Variants in LRTM3 observed in about 807,000 individuals in gnomAD.
The protein encoded by LRTM3 is leucine-rich repeat transmembrane protein 3.
chr13:102,738,641 T>G, the LRTM3 span: 3 of 1,550,416 alleles, frequency 1.9e-6, no homozygotes, highest in Non-Finnish European at 2.6e-6. Flanking sequence ...AGAAATACAC[T>G]TTTCATATGC....
the LRTM3 span, among the ~76,000 whole-genome samples, chr13:102,752,885 A>G: frequency 3.7e-3 from 564 of 152,332 alleles, 7 homozygotes; most frequent in African/African-American, 0.013. Context: ...TAGTTAACTT[A>G]TTTATAACTG....
the LRTM3 span, chr13:102,733,076 GT>G: frequency 1.3e-6 from 2 of 1,551,390 alleles, no homozygotes; most frequent in Non-Finnish European, 1.7e-6. Flanking sequence ...GTGCGCTGTT[GT>G]TTTCTTGTCC....
chr13:102,729,658 C>A, the LRTM3 span: 36 of 1,550,148 alleles, frequency 2.3e-5, no homozygotes, highest in Non-Finnish European at 3.1e-5. Flanking sequence ...AAAAAAAGGG[C>A]CGGTTTTGTT....
chr13:102,753,315 C>T, the LRTM3 span, among the ~76,000 whole-genome samples: 2 of 151,978 alleles, frequency 1.3e-5, no homozygotes, highest in African/African-American at 4.8e-5. Flanking sequence ...ACACTGGGTC[C>T]TGTCAGGGAG....
At chr13:102,747,977 C>T in the LRTM3 span, 6 of 1,551,126 alleles carry the variant, frequency 3.9e-6, no homozygotes, top group African/African-American at 1.4e-5. Flanking sequence ...CTTTCTATCA[C>T]ATTGTTGTGG....
the LRTM3 span, chr13:102,746,990 A>C: frequency 3.2e-6 from 5 of 1,551,174 alleles, no homozygotes; most frequent in South Asian, 5.9e-5. Context: ...TGGTTGATGC[A>C]TTTCTTTCTC....
At chr13:102,747,942 C>G in the LRTM3 span, 1 of 1,551,226 alleles carries the variant, frequency 6.4e-7, no homozygotes, top group South Asian at 1.2e-5. Context: ...TGTGTCAGCT[C>G]TGAATTTGCC....
chr13:102,737,276 G>T, the LRTM3 span: 2 of 1,550,932 alleles, frequency 1.3e-6, no homozygotes, highest in Middle Eastern at 3.3e-4. Flanking sequence ...TATTTTCCCT[G>T]CATCAAATGA....
At chr13:102,737,541 G>A in the LRTM3 span, 1 of 1,550,448 alleles carries the variant, frequency 6.4e-7, no homozygotes, top group South Asian at 1.2e-5. Context: ...TCTTTCCCTT[G>A]CTCCTGGCCT....
chr13:102,742,947 C>A, the LRTM3 span: 2 of 1,546,222 alleles, frequency 1.3e-6, no homozygotes, highest in Non-Finnish European at 1.7e-6. Context: ...GCGAGCCCAA[C>A]TTTGAGACTT....
At chr13:102,744,243 T>A in the LRTM3 span, 1 of 1,550,408 alleles carries the variant, frequency 6.4e-7, no homozygotes, top group Non-Finnish European at 8.7e-7. Context: ...TTGGGACTCA[T>A]ACTTTTCTTG....
At chr13:102,752,805 G>A in the LRTM3 span, among the ~76,000 whole-genome samples, 2 of 152,082 alleles carry the variant, frequency 1.3e-5, no homozygotes, top group Non-Finnish European at 1.5e-5. Flanking sequence ...AGTTAAATGA[G>A]GTCATATGGG....
the LRTM3 span, chr13:102,740,050 A>G: frequency 8.4e-6 from 13 of 1,550,308 alleles, no homozygotes; most frequent in Middle Eastern, 1.7e-4. Context: ...TTTCTTGCAA[A>G]ATAGGCATGG....
At chr13:102,743,935 T>C in the LRTM3 span, 4 of 1,550,610 alleles carry the variant, frequency 2.6e-6, no homozygotes, top group Non-Finnish European at 2.6e-6. Context: ...CATTTTCTTG[T>C]ACCTCTTCCT....
chr13:102,740,088 G>A, the LRTM3 span: 2 of 1,549,400 alleles, frequency 1.3e-6, no homozygotes, highest in East Asian at 4.9e-5. Context: ...AATGTTATAG[G>A]CAGACATACT....
chr13:102,731,046 T>C, the LRTM3 span: 1 of 1,551,470 alleles, frequency 6.4e-7, no homozygotes, highest in Non-Finnish European at 8.7e-7. Flanking sequence ...GAAAAGTGCA[T>C]GAGGAGTTTG....
the LRTM3 span, chr13:102,738,291 C>G: frequency 8.4e-6 from 13 of 1,550,830 alleles, no homozygotes; most frequent in South Asian, 1.4e-4. Context: ...CCCTTACTGG[C>G]CACTCCATCT....
At chr13:102,750,176 T>C in the LRTM3 span, 1 of 1,551,234 alleles carries the variant, frequency 6.4e-7, no homozygotes, top group Non-Finnish European at 8.7e-7. Context: ...TAGACACGTT[T>C]CCTCTACTTC....
chr13:102,732,194 C>G, the LRTM3 span: 1 of 1,551,322 alleles, frequency 6.4e-7, no homozygotes. Context: ...AAGACAGATT[C>G]TCTTTTCTCT....
Sources: gnomAD v4.1 joint callset for allele counts (sites outside exome capture counted in the v4.1 genomes callset) on GRCh38, gnomAD v4.1.1 for gene constraint, MANE v1.5 for transcripts, NCBI Gene and HGNC (gene_info 2026-07-23, HGNC 2026-07-21) for gene names.